ST8SIA1: variants seen among roughly 807,000 people sequenced by gnomAD.
ST8SIA1 encodes the protein ST8 alpha-N-acetyl-neuraminide alpha-2,8-sialyltransferase 1.
ST8SIA1 carries 16 observed loss-of-function variants against 35.9 expected under a neutral mutation model. The ratio of observed to expected loss-of-function variants is 0.45; its 90% CI spans 0.30 to 0.68. ST8SIA1 has a LOEUF of 0.68. ST8SIA1 is among the 30% of genes least tolerant of loss of function. The pLI, the probability that ST8SIA1 is intolerant of heterozygous loss-of-function variation, is 0.09. For synonymous variants in ST8SIA1, 170 were observed against 169.6 expected (o/e 1.00, Z -0.02); for missense variants, 383 against 453.6 (o/e 0.84, Z 1.41).
chr12:22,323,513 C>G (rs1321041271), intron 1 of ST8SIA1, among the ~76,000 whole-genome samples: 1 of 152,088 alleles, frequency 6.6e-6, no homozygotes, highest in Non-Finnish European at 1.5e-5. Context: ...GGGTATACAC[C>G]CAAAGAAATA....
intron 4 of ST8SIA1, among the ~76,000 whole-genome samples, chr12:22,246,259 G>C (rs1865600207): frequency 6.6e-6 from 1 of 152,126 alleles, no homozygotes; most frequent in Admixed American, 6.5e-5. Context: ...TACCCCGCTG[G>C]TGTCTGCTGC....
At chr12:22,226,657 G>A (rs1214688463) in intron 4 of ST8SIA1, among the ~76,000 whole-genome samples, 3 of 148,566 alleles carry the variant, frequency 2.0e-5, no homozygotes, top group South Asian at 2.1e-4. Flanking sequence ...TTTTTTCCTC[G>A]ACATTCTTAA....
chr12:22,306,081 T>A (rs1410213678), intron 1 of ST8SIA1, among the ~76,000 whole-genome samples: 1 of 152,302 alleles, frequency 6.6e-6, no homozygotes, highest in South Asian at 2.1e-4. Flanking sequence ...CATATCTTTT[T>A]CACTGTCTTT....
chr12:22,213,623 G>A (rs1473323925), intron 4 of ST8SIA1, among the ~76,000 whole-genome samples: 1 of 152,156 alleles, frequency 6.6e-6, no homozygotes, highest in Non-Finnish European at 1.5e-5. Context: ...TAGTACCTGG[G>A]GAAATGCAAA....
intron 1 of ST8SIA1, among the ~76,000 whole-genome samples, chr12:22,329,879 C>A (rs1431925049): frequency 6.6e-6 from 1 of 152,174 alleles, no homozygotes; most frequent in African/African-American, 2.4e-5. Flanking sequence ...CTTCCCAAAC[C>A]CACTGGTAAC....
At chr12:22,298,980 C>A (rs966676365) in intron 1 of ST8SIA1, among the ~76,000 whole-genome samples, 1 of 151,860 alleles carries the variant, frequency 6.6e-6, no homozygotes, top group Non-Finnish European at 1.5e-5. Context: ...CGGAATGAAT[C>A]ATTTGACAAG....
rs535723397 is a variant in ST8SIA1 at position 22,285,977 on chromosome 12, T to C, written c.381+1172A>G. ...AGGGCAAGTGCTGCTCTAGCCATCA[T>C]AGAGACAAGACAGCTAAATCTCAGA... is the stretch of plus-strand genomic sequence containing the variant. On this transcript the variant is annotated intron_variant, in intron 2 of 4. Coordinates refer to ENST00000396037, the MANE Select transcript of ST8SIA1 (RefSeq NM_003034.4). Among the ~76,000 whole-genome samples the C allele has an allele frequency of 2.7e-3, 404 of 151,472 alleles. 3 individuals carry two copies. The highest frequency in any genetic ancestry group is 9.2e-3 in the African/African-American group (381 of 41,294).
intron 1 of ST8SIA1, among the ~76,000 whole-genome samples, chr12:22,305,579 C>T (rs990572435): frequency 1.3e-5 from 2 of 152,006 alleles, no homozygotes; most frequent in South Asian, 2.1e-4. Context: ...CAGGGTTTCA[C>T]CATGTTGGTC....
intron 1 of ST8SIA1, among the ~76,000 whole-genome samples, chr12:22,332,502 T>C (rs934466862): frequency 6.6e-6 from 1 of 152,206 alleles, no homozygotes; most frequent in African/African-American, 2.4e-5. Flanking sequence ...TTTCTGTCTT[T>C]AGGGAAAATA....
In ST8SIA1 at chr12:22,289,447, A is replaced by G. The variant is rs1866148523; in HGVS notation, c.237-2154T>C. Among the ~76,000 whole-genome samples the G allele has an allele frequency of 3.3e-5, 5 of 152,124 alleles. No individual in the cohort carries two copies. In the South Asian group the frequency reaches 1.0e-3, roughly 32 times the overall value. ...CTTTGCGAGCTACCTGCTCAGAACC[A>G]TTTTGATTCATTTGTATCTTTCTCT... On this transcript the variant is annotated intron_variant, in intron 1 of 4. Transcript: ENST00000396037.
At chr12:22,216,265 G>A (rs535812079) in intron 4 of ST8SIA1, among the ~76,000 whole-genome samples, 1 of 152,248 alleles carries the variant, frequency 6.6e-6, no homozygotes, top group East Asian at 1.9e-4. Context: ...TGTCAAGGGG[G>A]CATTCTTCAA....
At chr12:22,217,835 C>T (rs941391736) in intron 4 of ST8SIA1, among the ~76,000 whole-genome samples, 3 of 152,272 alleles carry the variant, frequency 2.0e-5, no homozygotes, top group African/African-American at 7.2e-5. Flanking sequence ...AAGAAATAAG[C>T]ATTATCTCCA....
chr12:22,324,052 A>C (rs149658840), intron 1 of ST8SIA1, among the ~76,000 whole-genome samples: 5 of 152,366 alleles, frequency 3.3e-5, no homozygotes, highest in Admixed American at 3.3e-4. Flanking sequence ...TATAGAATTA[A>C]GACAACTTAA....
intron 4 of ST8SIA1, among the ~76,000 whole-genome samples, chr12:22,202,245 T>TA (rs940190368): frequency 6.6e-6 from 1 of 152,198 alleles, no homozygotes; most frequent in African/African-American, 2.4e-5. Flanking sequence ...CCCAACTTCT[T>TA]AAAACGCAGT....
intron 2 of ST8SIA1, among the ~76,000 whole-genome samples, chr12:22,276,995 T>G (rs2135810204): frequency 6.6e-6 from 1 of 152,264 alleles, no homozygotes; most frequent in African/African-American, 2.4e-5. Context: ...AAAGCCAGGG[T>G]TCTGCCCTAT....
intron 3 of ST8SIA1, chr12:22,250,824 T>C (rs1378445901): frequency 6.6e-6 from 1 of 152,218 alleles, no homozygotes; most frequent in Non-Finnish European, 1.5e-5. Flanking sequence ...GATAAGATAC[T>C]GGTTTTTCTG....
At chr12:22,333,764 CTT>C (rs1235374150) in intron 1 of ST8SIA1, 2 of 731,758 alleles carry the variant, frequency 2.7e-6, no homozygotes, top group African/African-American at 1.7e-5. Context: ...TGCGTCGAGT[CTT>C]TACATGCGCA....
At chr12:22,283,702 T>C (rs1488017653) in intron 2 of ST8SIA1, among the ~76,000 whole-genome samples, 1 of 152,148 alleles carries the variant, frequency 6.6e-6, no homozygotes, top group East Asian at 1.9e-4. Context: ...TCCTGCTTGG[T>C]TTCCTATAGT....
At chr12:22,219,800 G>A (rs902045352) in intron 4 of ST8SIA1, among the ~76,000 whole-genome samples, 1 of 152,132 alleles carries the variant, frequency 6.6e-6, no homozygotes, top group African/African-American at 2.4e-5. Flanking sequence ...AAGACATCAT[G>A]CCAGGGTATG....
Sources: allele counts gnomAD v4.1 joint callset (sites outside exome capture counted in the v4.1 genomes callset), GRCh38; gene constraint gnomAD v4.1.1; transcripts MANE v1.5; gene names NCBI Gene and HGNC (gene_info 2026-07-23, HGNC 2026-07-21).